The following KHDRBS3 variants were observed in gnomAD, a reference collection of about 807,000 sequenced individuals.
KHDRBS3 encodes the protein KH RNA binding domain containing, signal transduction associated 3, also known as KH domain-containing, RNA-binding, signal transduction-associated protein 3.
A neutral mutation model predicts 45.6 loss-of-function variants in KHDRBS3; 23 were observed. The observed-to-expected ratio is 0.50, with a 90% CI of 0.36 to 0.72. The LOEUF (loss-of-function observed/expected upper bound fraction) is 0.72, where lower values mean the gene tolerates loss of function less well. Ranked by LOEUF, KHDRBS3 falls within the 30% of genes least tolerant of loss-of-function variation. The probability of loss-of-function intolerance (pLI) is 0.00; values close to 1 mark genes in which losing one functional copy is unlikely to be tolerated. For missense variants in KHDRBS3, 352 were observed against 424.8 expected, an observed-to-expected ratio of 0.83 and a Z score of 1.51; for synonymous variants, 162 against 156.5, an observed-to-expected ratio of 1.04 and a Z score of -0.26.
At chr8:135,543,524 A>T (rs2130777637) in intron 3 of KHDRBS3, among the ~76,000 whole-genome samples, 1 of 152,326 alleles carries the variant, frequency 6.6e-6, no homozygotes, top group South Asian at 2.1e-4. Flanking sequence ...CAGGTGATTT[A>T]AACACAATCC....
chr8:135,612,267 G>A (rs1214397289), intron 7 of KHDRBS3, among the ~76,000 whole-genome samples: 3 of 151,792 alleles, frequency 2.0e-5, no homozygotes, highest in African/African-American at 4.9e-5. Flanking sequence ...ATTCAAAAAT[G>A]TAATACTTTG....
intron 7 of KHDRBS3, among the ~76,000 whole-genome samples, chr8:135,640,529 A>T (rs578254031): frequency 4.6e-4 from 70 of 152,248 alleles, no homozygotes; most frequent in African/African-American, 1.6e-3. Flanking sequence ...CAGGAGAGGG[A>T]CAGAGGGACA....
At chr8:135,611,750 C>A (rs1455030491) in intron 7 of KHDRBS3, among the ~76,000 whole-genome samples, 1 of 151,900 alleles carries the variant, frequency 6.6e-6, no homozygotes, top group Non-Finnish European at 1.5e-5. Context: ...CAAATATGGT[C>A]ACAGTCTGAG....
At chr8:135,647,765 T>C (rs2131213097), downstream of KHDRBS3, 1 of 152,356 alleles carries the variant, frequency 6.6e-6, no homozygotes, top group South Asian at 2.1e-4. Context: ...TGGTATAAAA[T>C]TAAATGTACC....
At chr8:135,618,566 A>T (rs1830011089) in intron 7 of KHDRBS3, among the ~76,000 whole-genome samples, 2 of 152,106 alleles carry the variant, frequency 1.3e-5, no homozygotes, top group African/African-American at 2.4e-5. Context: ...TTTTACCCCA[A>T]TTTTAGTAAG....
chr8:135,536,270 T>C (rs1407553844), intron 2 of KHDRBS3, among the ~76,000 whole-genome samples: 2 of 147,142 alleles, frequency 1.4e-5, no homozygotes, highest in African/African-American at 5.0e-5. Context: ...TTTATTATTG[T>C]TTAAAAGGTG....
At chr8:135,495,812 G>T (rs1823409233) in intron 1 of KHDRBS3, among the ~76,000 whole-genome samples, 1 of 152,134 alleles carries the variant, frequency 6.6e-6, no homozygotes, top group Non-Finnish European at 1.5e-5. Flanking sequence ...GTGAAGAGTG[G>T]AGAAGAGTTG....
intron 7 of KHDRBS3, among the ~76,000 whole-genome samples, chr8:135,609,098 T>C (rs1461001498): frequency 6.6e-6 from 1 of 152,152 alleles, no homozygotes; most frequent in Non-Finnish European, 1.5e-5. Flanking sequence ...ACACTCAATT[T>C]ATTAAAAAGC....
intron 1 of KHDRBS3, among the ~76,000 whole-genome samples, chr8:135,469,914 C>T (rs112897407): frequency 2.6e-5 from 4 of 152,284 alleles, no homozygotes; most frequent in African/African-American, 7.2e-5. Flanking sequence ...ACATCGCAGC[C>T]GATGCCAGCA....
intron 5 of KHDRBS3, among the ~76,000 whole-genome samples, chr8:135,575,916 C>T (rs1255800645): frequency 6.6e-6 from 1 of 152,162 alleles, no homozygotes; most frequent in Non-Finnish European, 1.5e-5. Context: ...TCCAGAATCC[C>T]TGGAATACAA....
At chr8:135,458,073 C>G (rs895634008) in intron 1 of KHDRBS3, 119 bp downstream of exon 1, 1 of 1,396,706 alleles carries the variant, frequency 7.2e-7, no homozygotes, top group Non-Finnish European at 9.3e-7. Context: ...GACGGAGGCC[C>G]GGGTGGCCCC....
At chr8:135,513,247 G>T (rs942722667) in intron 1 of KHDRBS3, among the ~76,000 whole-genome samples, 5 of 152,078 alleles carry the variant, frequency 3.3e-5, no homozygotes, top group African/African-American at 7.2e-5. Context: ...TTTCTAGGTT[G>T]CTCAAGAGAT....
intron 1 of KHDRBS3, among the ~76,000 whole-genome samples, chr8:135,463,504 A>C (rs1368069092): frequency 6.6e-6 from 1 of 152,160 alleles, no homozygotes; most frequent in Non-Finnish European, 1.5e-5. Context: ...TAATGAGAAG[A>C]TGTTGTCAGA....
chr8:135,622,707 A>C (rs1830197990), intron 7 of KHDRBS3, among the ~76,000 whole-genome samples: 1 of 152,238 alleles, frequency 6.6e-6, no homozygotes, highest in South Asian at 2.1e-4. Context: ...TGATCCAGAG[A>C]AATACTGTAA....
chr8:135,545,449 CAGGTTTAATTTATTCTT>C (rs1252012996), intron 3 of KHDRBS3, among the ~76,000 whole-genome samples: 1 of 152,152 alleles, frequency 6.6e-6, no homozygotes, highest in African/African-American at 2.4e-5. Flanking sequence ...AATGTGTTCT[CAGGTTTAATTTATTCTT>C]AGGTTTTCAC....
At chr8:135,593,175 G>A (rs945378392) in intron 6 of KHDRBS3, among the ~76,000 whole-genome samples, 2 of 152,144 alleles carry the variant, frequency 1.3e-5, no homozygotes, top group Non-Finnish European at 2.9e-5. Flanking sequence ...GGCAGAGAGG[G>A]CAGAGAGCTT....
chr8:135,612,147 G>T (rs541496868), intron 7 of KHDRBS3, among the ~76,000 whole-genome samples: 6 of 151,852 alleles, frequency 4.0e-5, no homozygotes, highest in African/African-American at 1.5e-4. Context: ...TCACCTCGGT[G>T]CCAAAACATT....
At chr8:135,634,113 A>G (rs572082769) in intron 7 of KHDRBS3, among the ~76,000 whole-genome samples, 1 of 152,358 alleles carries the variant, frequency 6.6e-6, no homozygotes, top group Admixed American at 6.5e-5. Context: ...TTCTTAAAAT[A>G]GGATTCTGTT....
chr8:135,514,101 C>G (rs936884664), intron 1 of KHDRBS3, among the ~76,000 whole-genome samples: 3 of 152,166 alleles, frequency 2.0e-5, no homozygotes, highest in African/African-American at 7.2e-5. Context: ...AAGCTGTTCT[C>G]TATACATTGA....
Sources: allele counts gnomAD v4.1 joint callset (sites outside exome capture counted in the v4.1 genomes callset), GRCh38; gene constraint gnomAD v4.1.1; transcripts MANE v1.5; gene names NCBI Gene and HGNC (gene_info 2026-07-23, HGNC 2026-07-21).